The following TP73 variants were observed in gnomAD, a reference collection of about 807,000 sequenced individuals.
TP73 encodes the protein tumor protein p73.
A neutral mutation model predicts 62.5 loss-of-function variants in TP73; 25 were observed. That is an observed-to-expected ratio of 0.40 (90% confidence interval 0.29 to 0.56). TP73 has a LOEUF of 0.56. Among genes scored for constraint, TP73 ranks in the 20% least tolerant of loss-of-function variants. The pLI is 0.46. For synonymous variants in TP73, 423 were observed against 377.5 expected, an observed-to-expected ratio of 1.12 and a Z score of -1.40; for missense variants, 754 against 913.3, an observed-to-expected ratio of 0.83 and a Z score of 2.25.
intron 4 of TP73, among the ~76,000 whole-genome samples, chr1:3,721,153 G>C (rs1347653328): frequency 6.6e-6 from 1 of 152,254 alleles, no homozygotes; most frequent in Admixed American, 6.5e-5. Context: ...GCCTCAGCGG[G>C]GTCACTTTTA....
In TP73 at chr1:3,682,391, C is replaced by T. The variant is rs1645545460; in HGVS notation, c.26C>T (p.Pro9Leu). 5.8e-6 allele frequency: 9 copies of T among 1,564,348 alleles called. No homozygotes were observed. The South Asian group carries it at 9.4e-5, about 16-fold the overall frequency. MAQSTATS[P>L]DGGTTFEHLW... ...ATGGCCCAGTCCACCGCCACCTCCC[C>T]TGATGGGGGCACCACGTTTGAGCAC... Residue 9 changes from proline (P) to leucine (L), a missense_variant, in exon 2 of 14, where the codon CCT becomes CTT. By Grantham distance (98) the Pro-to-Leu change is moderately conservative. Coordinates refer to ENST00000378295, the MANE Select transcript of TP73 (RefSeq NM_005427.4).
intron 5 of TP73, 69 bp from the exon 6 acceptor site, chr1:3,723,285 C>A: frequency 1.5e-6 from 2 of 1,330,782 alleles, no homozygotes; most frequent in South Asian, 1.2e-5. Flanking sequence ...GGGCTGGGCA[C>A]CTCTCTGCAC....
intron 3 of TP73, among the ~76,000 whole-genome samples, chr1:3,698,382 G>A (rs1570497334): frequency 6.6e-6 from 1 of 152,310 alleles, no homozygotes; most frequent in African/African-American, 2.4e-5. Context: ...CATCCTGTTG[G>A]CCACCTGCCT....
At chr1:3,674,632 A>C (rs1166152074) in intron 1 of TP73, among the ~76,000 whole-genome samples, 1 of 152,216 alleles carries the variant, frequency 6.6e-6, no homozygotes, top group Non-Finnish European at 1.5e-5. Context: ...GGGGCAGGCA[A>C]TGCTGGCAGA....
At chr1:3,692,104 T>G (rs549489633) in intron 3 of TP73, among the ~76,000 whole-genome samples, 148 of 152,266 alleles carry the variant, frequency 9.7e-4, no homozygotes, top group Middle Eastern at 3.4e-3. Context: ...TACACGTGTT[T>G]GCCTGTGTGT....
chr1:3,668,996 A>C (rs1645182314), intron 1 of TP73, among the ~76,000 whole-genome samples: 2 of 152,180 alleles, frequency 1.3e-5, no homozygotes, highest in African/African-American at 2.4e-5. Context: ...CTCCGCCCCC[A>C]GCTGCCCTGC....
intron 1 of TP73, among the ~76,000 whole-genome samples, chr1:3,680,463 C>A (rs1052290903): frequency 1.3e-5 from 2 of 152,186 alleles, no homozygotes; most frequent in African/African-American, 2.4e-5. Flanking sequence ...GACCCAGAGG[C>A]CTCTGGCGGC....
intron 1 of TP73, among the ~76,000 whole-genome samples, chr1:3,653,590 GT>G (rs1248413161): frequency 6.6e-6 from 1 of 152,246 alleles, no homozygotes; most frequent in African/African-American, 2.4e-5. Context: ...GCTGCCATCT[GT>G]TTATTCACTG....
intron 11 of TP73, among the ~76,000 whole-genome samples, chr1:3,730,364 C>T (rs1281596683): frequency 6.6e-6 from 1 of 152,214 alleles, no homozygotes; most frequent in Admixed American, 6.5e-5. Flanking sequence ...TGGTTAAGAG[C>T]GTGGAACCCA....
At chr1:3,693,296 G>C (rs992578802) in intron 3 of TP73, among the ~76,000 whole-genome samples, 1 of 152,222 alleles carries the variant, frequency 6.6e-6, no homozygotes, top group African/African-American at 2.4e-5. Flanking sequence ...CAAAGTGAGC[G>C]AATAGAGTTG....
chr1:3,707,714 A>C lies in TP73; in HGVS notation c.352A>C (p.Asn118His). 6.2e-7 allele frequency: 1 copy of C among 1,613,000 alleles called. No homozygotes were observed. The highest frequency in any genetic ancestry group is 8.5e-7 in the Non-Finnish European group (1 of 1,179,894). ...TMSPAPVIPSNTDYPGPHHFE... is the reference protein window; with the variant it reads ...TMSPAPVIPSHTDYPGPHHFE... ...GTCGCCGGCGCCTGTCATCCCCTCC[A>C]ACACCGACTACCCCGGACCCCACCA... The change falls in exon 4 of 14, where the codon AAC (asparagine) becomes CAC (histidine). Residue 118 changes from asparagine to histidine, a missense_variant. This residue lies in a region of TP73 where 235 missense variants were observed against 251.4 expected (regional missense o/e 0.93). Transcript: ENST00000378295.
chr1:3,719,400 G>T (rs1299177082), intron 4 of TP73, among the ~76,000 whole-genome samples: 1 of 152,220 alleles, frequency 6.6e-6, no homozygotes, highest in Non-Finnish European at 1.5e-5. Context: ...CCGGCCCTGT[G>T]TTCCTCTCCC....
intron 3 of TP73, among the ~76,000 whole-genome samples, chr1:3,691,469 G>A (rs1645828109): frequency 6.6e-6 from 1 of 152,128 alleles, no homozygotes; most frequent in Admixed American, 6.5e-5. Context: ...TTCTCGGTGT[G>A]GGTCTGAGCT....
intron 1 of TP73, among the ~76,000 whole-genome samples, chr1:3,676,537 G>C (rs1162753515): frequency 6.6e-6 from 1 of 151,898 alleles, no homozygotes; most frequent in Non-Finnish European, 1.5e-5. Flanking sequence ...GGAAGCTATG[G>C]AAGACGAGGC....
At chr1:3,680,262 A>T (rs980375503) in intron 1 of TP73, among the ~76,000 whole-genome samples, 11 of 152,072 alleles carry the variant, frequency 7.2e-5, no homozygotes, top group African/African-American at 1.9e-4. Flanking sequence ...GTAATGTTCC[A>T]TTGCTTGCTG....
intron 6 of TP73, among the ~76,000 whole-genome samples, chr1:3,725,018 CA>C (rs777200762): frequency 0.012 from 1,492 of 120,956 alleles, 13 homozygotes; most frequent in South Asian, 0.05. Context: ...GACTCCGTCT[CA>C]AAAAAAAAAA....
At chr1:3,661,225 A>G (rs1644980384) in intron 1 of TP73, among the ~76,000 whole-genome samples, 1 of 152,212 alleles carries the variant, frequency 6.6e-6, no homozygotes, top group Admixed American at 6.5e-5. Context: ...GAAATCCCAA[A>G]CGTTAATTCA....
chr1:3,727,538 G>T, intron 7 of TP73, 90 bp from the exon 8 acceptor site: 1 of 1,525,916 alleles, frequency 6.6e-7, no homozygotes, highest in Admixed American at 2.0e-5. Context: ...CTCAAGGCCG[G>T]TCCTGCAGGG....
chr1:3,703,444 A>C lies in TP73; in HGVS notation c.187-4105A>C, dbSNP rs118001406. 1.8e-4 allele frequency among the ~76,000 whole-genome samples: 27 copies of C among 152,074 alleles called. No individual in the cohort carries two copies. The East Asian group carries it at 5.3e-3, about 30-fold the overall frequency. On this transcript the variant is annotated intron_variant, in intron 3 of 13. Transcript: ENST00000378295. The stretch of plus-strand genomic sequence containing the variant: ...CTGGGCCACAGAGGACGGCACCGAG[A>C]GGGCTTCAGGCCTGCTGTCCGGACA...
Sources: allele counts gnomAD v4.1 joint callset (sites outside exome capture counted in the v4.1 genomes callset), GRCh38; gene constraint gnomAD v4.1.1; regional missense constraint gnomAD v4.1.1; transcripts MANE v1.5; gene names NCBI Gene and HGNC (gene_info 2026-07-23, HGNC 2026-07-21).